PARD3B: variants seen among roughly 807,000 people sequenced by gnomAD.
PARD3B encodes the protein partitioning defective 3 homolog B.
In PARD3B, 103 loss-of-function variants were observed where a neutral mutation model predicts 130.2. That is an observed-to-expected ratio of 0.79 (90% CI 0.67 to 0.93). The LOEUF (loss-of-function observed/expected upper bound fraction) is 0.93. Among genes scored for constraint, PARD3B ranks in the 40% least tolerant of loss-of-function variants. The pLI is 0.00. For synonymous variants in PARD3B, 583 were observed against 553.2 expected (o/e 1.05, Z -0.76); for missense variants, 1,609 against 1,499.2 (o/e 1.07, Z -1.21).
chr2:204,604,761 T>C (rs2033647468), intron 1 of PARD3B, among the ~76,000 whole-genome samples: 1 of 152,182 alleles, frequency 6.6e-6, no homozygotes, highest in Non-Finnish European at 1.5e-5. Flanking sequence ...ATTCCAGCCT[T>C]CTACTCCAGC....
In PARD3B at chr2:205,617,337, A is replaced by G. The variant is rs1053055200; in HGVS notation, c.*1524A>G. On this transcript the variant is annotated 3_prime_UTR_variant, in exon 23 of 23. Coordinates refer to ENST00000406610, the MANE Select transcript of PARD3B (RefSeq NM_001302769.2). The stretch of plus-strand genomic sequence containing the variant: ...TTAAGCCTTTTCACATTCCTTCTTT[A>G]TTCCCTCCAAAAAAAAAAGTCTTGA... 1.8e-4 allele frequency: 27 copies of G among 151,988 alleles called. No homozygotes were observed. Among genetic ancestry groups the G allele is most frequent in the African/African-American group, 5.8e-4 (24 of 41,370 alleles). 9.4% of individuals were successfully genotyped at this position (151,988 alleles called of 1,614,324 possible).
intron 22 of PARD3B, among the ~76,000 whole-genome samples, chr2:205,565,800 G>A (rs184776456): frequency 6.6e-6 from 1 of 151,736 alleles, no homozygotes; most frequent in African/African-American, 2.4e-5. Flanking sequence ...TGAGGATAGC[G>A]TGATAAGCCC....
rs964367115 is a variant in PARD3B, at chr2:205,351,282, G to A, written c.2630+49581G>A. On this transcript the variant is annotated intron_variant, in intron 18 of 22. Transcript: ENST00000406610. The surrounding 1 kb of genome is among the most constrained non-coding windows in gnomAD (Gnocchi z 4.2). The stretch of plus-strand genomic sequence containing the variant: ...GTACATCTTTGAAACCGGTGTTTTT[G>A]ATAAGACCACTCCTTTGTGGAGTTG... Among the ~76,000 whole-genome samples, 2 of 152,164 alleles carry A rather than the reference G, an allele frequency of 1.3e-5. No individual in the cohort carries two copies. The highest frequency in any genetic ancestry group is 2.1e-4 in the South Asian group (1 of 4,826).
intron 13 of PARD3B, among the ~76,000 whole-genome samples, chr2:205,180,404 A>G (rs936614517): frequency 6.6e-6 from 1 of 152,064 alleles, no homozygotes; most frequent in African/African-American, 2.4e-5. Flanking sequence ...TATTTAGGGA[A>G]CTATTGGGAG....
intron 2 of PARD3B, among the ~76,000 whole-genome samples, chr2:204,954,205 C>G (rs1218080451): frequency 6.6e-6 from 1 of 152,314 alleles, no homozygotes; most frequent in Non-Finnish European, 1.5e-5. Context: ...CACTTCCACT[C>G]AGACAGAAGG....
At chr2:205,457,598 G>C (rs1029253289) in intron 20 of PARD3B, among the ~76,000 whole-genome samples, 10 of 151,518 alleles carry the variant, frequency 6.6e-5, no homozygotes, top group Admixed American at 6.6e-4. Context: ...TAGTATTTTT[G>C]TAATGTGGCA....
chr2:204,916,360 A>C (rs1473629110), intron 2 of PARD3B, among the ~76,000 whole-genome samples: 2 of 152,240 alleles, frequency 1.3e-5, no homozygotes, highest in South Asian at 2.1e-4. Flanking sequence ...TTACCTATTA[A>C]ATTCCCAATC....
chr2:204,920,846 G>A (rs549071429), intron 2 of PARD3B, among the ~76,000 whole-genome samples: 2 of 152,184 alleles, frequency 1.3e-5, no homozygotes, highest in South Asian at 2.1e-4. Context: ...CCATGTCATC[G>A]TGTTTGACAG....
intron 1 of PARD3B, among the ~76,000 whole-genome samples, chr2:204,651,397 C>G (rs752366439): frequency 1.3e-4 from 20 of 152,228 alleles, no homozygotes; most frequent in Non-Finnish European, 2.2e-4. Flanking sequence ...CAGCAGGGCA[C>G]TCATTATATC....
intron 2 of PARD3B, among the ~76,000 whole-genome samples, chr2:204,894,755 A>G (rs902533839): frequency 2.6e-5 from 4 of 152,102 alleles, no homozygotes; most frequent in Non-Finnish European, 5.9e-5. Context: ...GATTTCATGA[A>G]AATTAAATTT....
At chr2:204,971,092 G>A (rs1440068663) in intron 3 of PARD3B, among the ~76,000 whole-genome samples, 2 of 152,160 alleles carry the variant, frequency 1.3e-5, no homozygotes, top group African/African-American at 4.8e-5. Flanking sequence ...GTTGAAAATT[G>A]TGACCATTTT....
chr2:205,570,433 TGAG>T (rs1308663989), intron 22 of PARD3B, among the ~76,000 whole-genome samples: 1 of 152,224 alleles, frequency 6.6e-6, no homozygotes, highest in Non-Finnish European at 1.5e-5. Context: ...TAAAAACTTA[TGAG>T]AAGAAAATAC....
chr2:205,305,283 AT>A (rs1459225454), intron 18 of PARD3B, among the ~76,000 whole-genome samples: 4 of 152,074 alleles, frequency 2.6e-5, no homozygotes, highest in African/African-American at 9.7e-5. Context: ...GTTCAGTTTG[AT>A]TATGTGGCAT....
At chr2:204,560,382 C>T (rs115341946) in intron 1 of PARD3B, among the ~76,000 whole-genome samples, 2 of 152,162 alleles carry the variant, frequency 1.3e-5, no homozygotes, top group African/African-American at 4.8e-5. Flanking sequence ...CAGCTTCTGC[C>T]ACCAGTGGGC....
Position 205,057,512 on chromosome 2 carries a change from TATGTGC to T in PARD3B, c.504+9828_504+9833del, listed in dbSNP as rs755119150. Among the ~76,000 whole-genome samples the T allele has an allele frequency of 6.2e-3, 901 of 144,542 alleles. 131 individuals carry two copies. Among genetic ancestry groups the T allele is most frequent in the Middle Eastern group, 0.015 (4 of 260 alleles). 94.8% of individuals were successfully genotyped at this position (144,542 alleles called of 152,430 possible). A position where few individuals can be genotyped will look rare whatever the true frequency, so the allele number is the denominator to read the frequency against. ...GTATATGTATATATACATATATGTG[TATGTGC>T]ATGTGTATATATACATATATGTATA... is the stretch of plus-strand genomic sequence containing the variant. On this transcript the variant is annotated intron_variant, in intron 4 of 22. Coordinates refer to ENST00000406610, the MANE Select transcript of PARD3B (RefSeq NM_001302769.2).
chr2:204,702,889 GT>G (rs1559072202), intron 2 of PARD3B, among the ~76,000 whole-genome samples: 2 of 151,794 alleles, frequency 1.3e-5, no homozygotes, highest in Admixed American at 6.6e-5. Context: ...AGAGTTATTT[GT>G]TTTTTTTCTT....
At chr2:205,209,417 A>T (rs556833366) in intron 15 of PARD3B, among the ~76,000 whole-genome samples, 3 of 152,284 alleles carry the variant, frequency 2.0e-5, no homozygotes, top group East Asian at 3.9e-4. Flanking sequence ...TTGTTTTCAT[A>T]TAAGAACATC....
intron 4 of PARD3B, 187 bp downstream of exon 4, chr2:205,047,877 C>T (rs964963539): frequency 3.1e-5 from 14 of 454,022 alleles, no homozygotes; most frequent in South Asian, 1.4e-4. Flanking sequence ...ATAGCTATTA[C>T]GTATATGGCA....
At chr2:205,184,900 C>T (rs1034661501) in intron 13 of PARD3B, among the ~76,000 whole-genome samples, 2 of 152,124 alleles carry the variant, frequency 1.3e-5, no homozygotes, top group African/African-American at 4.8e-5. Flanking sequence ...GCCAAGTTCA[C>T]ACAGCAGTAG....
Sources: gnomAD v4.1 joint callset for allele counts (sites outside exome capture counted in the v4.1 genomes callset) on GRCh38, gnomAD v4.1.1 for gene constraint, Gnocchi (gnomAD v3.1) non-coding constraint, MANE v1.5 for transcripts, NCBI Gene and HGNC (gene_info 2026-07-23, HGNC 2026-07-21) for gene names.